The following CAMSAP1 variants were observed in gnomAD, a reference collection of about 807,000 sequenced individuals.
CAMSAP1 encodes calmodulin regulated spectrin associated protein 1, also known as calmodulin-regulated spectrin-associated protein 1.
Under a neutral mutation model 143.5 loss-of-function variants are expected in CAMSAP1, and 58 were observed. The observed-to-expected ratio is 0.40, with a 90% CI of 0.33 to 0.50. The LOEUF (loss-of-function observed/expected upper bound fraction) is 0.50. Ranked by LOEUF, CAMSAP1 falls within the 20% of genes least tolerant of loss-of-function variation. CAMSAP1 has a pLI of 0.45. For synonymous variants in CAMSAP1, 945 were observed against 859.3 expected, an observed-to-expected ratio of 1.10 and a Z score of -1.74; for missense variants, 1,969 against 2,115.7, an observed-to-expected ratio of 0.93 and a Z score of 1.36.
At position 135,882,997 on chromosome 9, in the gene CAMSAP1, A is replaced by C; in HGVS notation, c.242T>G (p.Leu81Arg). The change falls in exon 2 of 17, where the codon CTT becomes CGT. Residue 81 changes from leucine to arginine, a missense_variant. Coordinates refer to ENST00000389532, the MANE Select transcript of CAMSAP1 (RefSeq NM_015447.4). This position sits in a 1 kb window ranked among gnomAD's most constrained non-coding sequence, Gnocchi z 4.9. ...QEHIKPPVIK[L>R]LLSSELYCRV... ...GCAGTACAGCTCGCTGGACAGGAGAAGCTTGATAACAGGCGGCTTAATGTG... is the reference window on the plus strand; with the variant it reads ...GCAGTACAGCTCGCTGGACAGGAGACGCTTGATAACAGGCGGCTTAATGTG... 6.4e-7 allele frequency: 1 copy of C among 1,551,770 alleles called. No individual in the cohort carries two copies. The highest frequency in any genetic ancestry group is 8.7e-7 in the Non-Finnish European group (1 of 1,147,006).
chr9:135,902,251 C>T (rs975187056), intron 1 of CAMSAP1, among the ~76,000 whole-genome samples: 1 of 152,190 alleles, frequency 6.6e-6, no homozygotes, highest in Non-Finnish European at 1.5e-5. Flanking sequence ...CAACCAAAGA[C>T]GATTTAAATA....
intron 4 of CAMSAP1, among the ~76,000 whole-genome samples, 156 bp from the exon 5 acceptor site, chr9:135,862,764 T>C (rs1435537315): frequency 6.6e-6 from 1 of 152,136 alleles, no homozygotes; most frequent in Non-Finnish European, 1.5e-5. Flanking sequence ...AACGTCTGGA[T>C]TACGTACTTT....
chr9:135,883,491 G>T (rs777259858), intron 1 of CAMSAP1, among the ~76,000 whole-genome samples: 1 of 152,180 alleles, frequency 6.6e-6, no homozygotes, highest in Non-Finnish European at 1.5e-5. Context: ...AGTGCCTGGG[G>T]ACACCAGCGG....
intron 1 of CAMSAP1, among the ~76,000 whole-genome samples, chr9:135,892,663 C>A (rs1434889553): frequency 6.6e-6 from 1 of 151,568 alleles, no homozygotes; most frequent in Non-Finnish European, 1.5e-5. Context: ...CCATCCTGGC[C>A]AACGTGGTGA....
intron 3 of CAMSAP1, among the ~76,000 whole-genome samples, chr9:135,869,959 A>C (rs1466336654): frequency 3.3e-5 from 5 of 152,346 alleles, no homozygotes; most frequent in African/African-American, 1.2e-4. Flanking sequence ...CCATTCATAA[A>C]AACTGTCCAG....
intron 1 of CAMSAP1, among the ~76,000 whole-genome samples, chr9:135,901,031 G>C (rs1355711964): frequency 6.6e-6 from 1 of 152,176 alleles, no homozygotes; most frequent in African/African-American, 2.4e-5. Context: ...TGGGATTACA[G>C]GCATGAGCCA....
chr9:135,898,861 G>GT (rs1365440174), intron 1 of CAMSAP1, among the ~76,000 whole-genome samples: 5 of 152,180 alleles, frequency 3.3e-5, no homozygotes, highest in Admixed American at 2.0e-4. Context: ...AAGCACAGCT[G>GT]TTTAAGATAA....
intron 3 of CAMSAP1, among the ~76,000 whole-genome samples, chr9:135,877,194 G>A (rs1278141646): frequency 6.6e-6 from 1 of 151,910 alleles, no homozygotes; most frequent in Non-Finnish European, 1.5e-5. Flanking sequence ...AATGCCACAG[G>A]TCAATCTCAG....
In CAMSAP1 at chr9:135,881,859, G is replaced by A; in HGVS notation, c.424-65C>T. On this transcript the variant is annotated intron_variant, in intron 2 of 16. Coordinates refer to ENST00000389532, the MANE Select transcript of CAMSAP1 (RefSeq NM_015447.4). ...CCCTCTTACCAGGTTCTGATGCAGGGAACCTGCTCATACTCAGCATTCTGG... is the reference window on the plus strand; with the variant it reads ...CCCTCTTACCAGGTTCTGATGCAGGAAACCTGCTCATACTCAGCATTCTGG... 2.0e-6 allele frequency: 3 copies of A among 1,523,868 alleles called. No individual in the cohort carries two copies. The South Asian group carries it at 3.6e-5, about 18-fold the overall frequency. 94.4% of individuals were successfully genotyped at this position (1,523,868 alleles called of 1,614,324 possible).
At chr9:135,898,123 C>A (rs1366102165) in intron 1 of CAMSAP1, among the ~76,000 whole-genome samples, 1 of 151,972 alleles carries the variant, frequency 6.6e-6, no homozygotes, top group East Asian at 1.9e-4. Flanking sequence ...AAAAGAAGAC[C>A]AAAATAAACC....
In CAMSAP1 at chr9:135,850,167, G is replaced by C; in HGVS notation, c.1015C>G (p.Gln339Glu). The C allele has an allele frequency of 6.2e-7, 1 of 1,611,728 alleles. No individual in the cohort carries two copies. Among genetic ancestry groups the C allele is most frequent in the East Asian group, 2.2e-5 (1 of 44,876 alleles). ...WFENVKPDFV[Q>E]PRDVQELKDA... ...TTCAGCTCCTGAACATCCCTGGGCTGAACAAAATCTGGCTTGACATTCTCG... is the reference window on the plus strand; with the variant it reads ...TTCAGCTCCTGAACATCCCTGGGCTCAACAAAATCTGGCTTGACATTCTCG... The change falls in exon 7 of 17, where the codon CAG (glutamine) becomes GAG (glutamate). Residue 339 changes from glutamine (Q) to glutamate (E), a missense_variant. Gln to Glu is a conservative substitution (Grantham distance 29). Transcript: ENST00000389532.
chr9:135,821,555 G>C lies in CAMSAP1; in HGVS notation c.3106C>G (p.Gln1036Glu). 1 of 1,613,980 alleles carries C rather than the reference G, an allele frequency of 6.2e-7. No homozygotes were observed. The highest frequency in any genetic ancestry group is 8.5e-7 in the Non-Finnish European group (1 of 1,179,852). The stretch of plus-strand genomic sequence containing the variant: ...TGCTGAGAGATTTTCAGGATGGCCT[G>C]CTGCAGCGTACTGATGGTTTCGTTA... ...KLNETISTLQQAILKISQQQE... is the reference protein window; with the variant it reads ...KLNETISTLQEAILKISQQQE... Residue 1036 changes from glutamine (Q) to glutamate (E), a missense_variant, in exon 11 of 17, where the codon CAG (glutamine) becomes GAG (glutamate). Physicochemically the swap from Gln to Glu is conservative, Grantham distance 29. This residue lies in a region of CAMSAP1 where 1,390 missense variants were observed against 1,420.8 expected (regional missense o/e 0.98). Transcript: ENST00000389532. The surrounding 1 kb of genome is among the most constrained non-coding windows in gnomAD (Gnocchi z 4.6).
intron 1 of CAMSAP1, among the ~76,000 whole-genome samples, chr9:135,904,027 A>C (rs1838693143): frequency 6.6e-6 from 1 of 152,174 alleles, no homozygotes; most frequent in Non-Finnish European, 1.5e-5. Flanking sequence ...CTGAATTACG[A>C]TCTCTCCAAC....
chr9:135,882,859 G>A lies in CAMSAP1; in HGVS notation c.380C>T (p.Thr127Ile), dbSNP rs116745149. ...KGIYVMESDD[T>I]PVTESDLSRA... is the part of the protein sequence containing the mutation. ...ACTGAGGTCGGACTCTGTCACGGGG[G>A]TGTCATCACTCTCCATCACATAGAT... The change falls in exon 2 of 17, where the codon ACC becomes ATC. Residue 127 changes from threonine to isoleucine, a missense_variant. Transcript: ENST00000389532. This position sits in a 1 kb window ranked among gnomAD's most constrained non-coding sequence, Gnocchi z 4.9. 1.2e-3 allele frequency: 1,830 copies of A among 1,551,462 alleles called. 13 individuals are homozygous for A. The African/African-American group carries it at 0.021, about 18-fold the overall frequency.
chr9:135,887,499 G>C (rs376015014), intron 1 of CAMSAP1, among the ~76,000 whole-genome samples: 4 of 152,204 alleles, frequency 2.6e-5, no homozygotes, highest in Admixed American at 1.3e-4. Flanking sequence ...TTGGAGAAAC[G>C]GTGACGAAAG....
intron 4 of CAMSAP1, among the ~76,000 whole-genome samples, chr9:135,863,143 C>T (rs1449101772): frequency 6.6e-6 from 1 of 152,116 alleles, no homozygotes; most frequent in African/African-American, 2.4e-5. Flanking sequence ...ATAACACAAC[C>T]ACCACCACTC....
At chr9:135,862,673 G>T (rs1271024455) in intron 4 of CAMSAP1, 65 bp from the exon 5 acceptor site, 1 of 1,488,586 alleles carries the variant, frequency 6.7e-7, no homozygotes, top group Non-Finnish European at 9.1e-7. Context: ...ATATGTTACA[G>T]GCACACTGTT....
intron 3 of CAMSAP1, among the ~76,000 whole-genome samples, chr9:135,874,373 G>A (rs1204796623): frequency 6.7e-6 from 1 of 149,870 alleles, no homozygotes; most frequent in Admixed American, 6.8e-5. Context: ...TCAGCAGGCT[G>A]AGGCAGAAGG....
chr9:135,822,603 G>T lies in CAMSAP1; in HGVS notation c.2058C>A (p.Gly686=). Residue 686 remains glycine, a synonymous_variant, in exon 11 of 17, where the codon GGC becomes GGA. Transcript: ENST00000389532. The surrounding 1 kb of genome is among the most constrained non-coding windows in gnomAD (Gnocchi z 6.1). ...GTCCCTGGGGGAACGGATCGAATCC[G>T]CCAAGGGCCAGAGGCCCACCACAGA... ...GEVCGGPLAL[G]GFDPFPQGPS... 1.2e-6 allele frequency: 2 copies of T among 1,613,166 alleles called. No individual in the cohort carries two copies. The highest frequency in any genetic ancestry group is 1.3e-5 in the African/African-American group (1 of 74,952).
Sources: allele counts gnomAD v4.1 joint callset (sites outside exome capture counted in the v4.1 genomes callset), GRCh38; gene constraint gnomAD v4.1.1; regional missense constraint gnomAD v4.1.1; non-coding constraint Gnocchi (gnomAD v3.1); transcripts MANE v1.5; gene names NCBI Gene and HGNC (gene_info 2026-07-23, HGNC 2026-07-21).